PDZD2: variants seen among roughly 807,000 people sequenced by gnomAD.
PDZD2 encodes PDZ domain containing 2.
A neutral mutation model predicts 220.7 loss-of-function variants in PDZD2; 90 were observed. The ratio of observed to expected loss-of-function variants is 0.41; its 90% CI spans 0.34 to 0.49. PDZD2 has a LOEUF of 0.49. PDZD2 is among the 20% of genes least tolerant of loss of function. The probability of loss-of-function intolerance (pLI) is 0.28; values close to 1 mark genes in which losing one functional copy is unlikely to be tolerated. For synonymous variants in PDZD2, 1,375 were observed against 1,450.5 expected (o/e 0.95, Z 1.18); for missense variants, 3,174 against 3,608.5 (o/e 0.88, Z 3.08).
In PDZD2 at chr5:31,662,915, C is replaced by G. The variant is rs369134648; in HGVS notation, c.-361+23478C>G. Among the ~76,000 whole-genome samples, 16 of 152,342 alleles carry G rather than the reference C, an allele frequency of 1.1e-4. 1 individual carries two copies. In the South Asian group the frequency reaches 3.1e-3, roughly 30 times the overall value. On this transcript the variant is annotated intron_variant, in intron 1 of 24. Transcript: ENST00000438447. ...AAAGTGCTGGGATTACAGGTGTGAGCCACCTCACCTGGCCAAGGCCCCACC... is the reference window on the plus strand; with the variant it reads ...AAAGTGCTGGGATTACAGGTGTGAGGCACCTCACCTGGCCAAGGCCCCACC...
At chr5:31,782,714 T>G (rs1322028963) in intron 1 of PDZD2, among the ~76,000 whole-genome samples, 1 of 147,230 alleles carries the variant, frequency 6.8e-6, no homozygotes, top group Non-Finnish European at 1.5e-5. Context: ...TAGATTTTTT[T>G]TTTTTTTTTT....
intron 1 of PDZD2, among the ~76,000 whole-genome samples, chr5:31,691,336 A>C (rs1336348209): frequency 1.3e-5 from 2 of 152,130 alleles, no homozygotes; most frequent in African/African-American, 4.8e-5. Flanking sequence ...CAGCTCATAA[A>C]GGCAGTGTGG....
chr5:32,097,281 T>G lies in PDZD2; in HGVS notation c.7848T>G (p.Asn2616Lys). Reference sequence around the variant, plus strand: ...TAATTTTTGTTTGTTTTCACTAGAATGAAGAAGATGTTTGCTTCATAGTCT... The same window carrying G: ...TAATTTTTGTTTGTTTTCACTAGAAGGAAGAAGATGTTTGCTTCATAGTCT... The part of the protein sequence containing the change: ...LIQEAKAQSE[N>K]EEDVCFIVLN... Residue 2616 changes from asparagine (N) to lysine (K), a missense_variant and splice_region_variant, in exon 22 of 25, where the codon AAT becomes AAG. By Grantham distance (94) the Asn-to-Lys change is moderately conservative. Around this residue, in one of 4 missense-constraint regions of PDZD2, gnomAD observed 631 missense variants for 789.9 expected, o/e 0.80. Coordinates refer to ENST00000438447, the MANE Select transcript of PDZD2 (RefSeq NM_178140.4). 6.3e-7 allele frequency: 1 copy of G among 1,599,794 alleles called. No individual in the cohort carries two copies. Among genetic ancestry groups the G allele is most frequent in the Non-Finnish European group, 8.6e-7 (1 of 1,166,970 alleles).
intron 6 of PDZD2, among the ~76,000 whole-genome samples, chr5:32,034,906 C>T (rs549254804): frequency 5.3e-5 from 8 of 152,312 alleles, no homozygotes; most frequent in African/African-American, 1.9e-4. Context: ...TCCAGGGAAT[C>T]TCTAAAATCA....
chr5:31,776,096 C>G (rs1752627976), intron 1 of PDZD2, among the ~76,000 whole-genome samples: 1 of 152,172 alleles, frequency 6.6e-6, no homozygotes, highest in South Asian at 2.1e-4. Context: ...GCTCAGATTC[C>G]TGGAGTGTAA....
chr5:31,691,907 G>GTTC (rs1455078115), intron 1 of PDZD2, among the ~76,000 whole-genome samples: 2 of 152,232 alleles, frequency 1.3e-5, no homozygotes, highest in African/African-American at 4.8e-5. Context: ...AGACATAAAG[G>GTTC]TTCTCCACGT....
At chr5:31,955,554 G>A (rs180971977) in intron 2 of PDZD2, among the ~76,000 whole-genome samples, 87 of 152,042 alleles carry the variant, frequency 5.7e-4, no homozygotes, top group African/African-American at 2.0e-3. Flanking sequence ...GCCCCACCTC[G>A]GCCTCCCAAA....
chr5:31,665,256 C>T (rs1745938632), intron 1 of PDZD2, among the ~76,000 whole-genome samples: 1 of 151,954 alleles, frequency 6.6e-6, no homozygotes, highest in South Asian at 2.1e-4. Flanking sequence ...GTGTATCTCT[C>T]ACACCATTGC....
At chr5:32,104,173 T>C (rs1186283754) in intron 24 of PDZD2, among the ~76,000 whole-genome samples, 1 of 151,804 alleles carries the variant, frequency 6.6e-6, no homozygotes, top group Non-Finnish European at 1.5e-5. Context: ...TTTGGGAGGC[T>C]AAGGCAGGCG....
chr5:31,858,251 C>A (rs539635270), intron 2 of PDZD2, among the ~76,000 whole-genome samples: 63 of 151,964 alleles, frequency 4.1e-4, no homozygotes, highest in African/African-American at 1.5e-3. Flanking sequence ...GCATGAGCCA[C>A]CGTGCCCAGC....
intron 2 of PDZD2, among the ~76,000 whole-genome samples, chr5:31,958,196 A>G (rs182927924): frequency 6.6e-6 from 1 of 152,170 alleles, no homozygotes; most frequent in Non-Finnish European, 1.5e-5. Flanking sequence ...TCTGAAGTAA[A>G]TGAAATGGCA....
At chr5:31,816,173 A>T (rs1580812718) in intron 2 of PDZD2, among the ~76,000 whole-genome samples, 2 of 151,958 alleles carry the variant, frequency 1.3e-5, no homozygotes, top group East Asian at 3.9e-4. Flanking sequence ...CTGTAGTCCC[A>T]GCTACTCGGG....
intron 2 of PDZD2, among the ~76,000 whole-genome samples, chr5:31,836,231 T>G (rs1756936105): frequency 2.7e-5 from 4 of 147,596 alleles, no homozygotes; most frequent in Admixed American, 2.7e-4. Flanking sequence ...TTATTGGCTT[T>G]TTTTTTTTTT....
intron 2 of PDZD2, among the ~76,000 whole-genome samples, chr5:31,823,462 T>C (rs1483200020): frequency 1.3e-5 from 2 of 152,076 alleles, no homozygotes; most frequent in Non-Finnish European, 2.9e-5. Flanking sequence ...AGTGAGACTC[T>C]GTCTCAAAAC....
intron 24 of PDZD2, among the ~76,000 whole-genome samples, chr5:32,105,580 CCTCT>C (rs1374866104): frequency 2.6e-5 from 4 of 152,018 alleles, no homozygotes; most frequent in African/African-American, 9.7e-5. Context: ...ATAAATTACA[CCTCT>C]CTCTATATAC....
intron 2 of PDZD2, among the ~76,000 whole-genome samples, chr5:31,932,953 C>T (rs956915004): frequency 6.6e-6 from 1 of 151,532 alleles, no homozygotes; most frequent in African/African-American, 2.4e-5. Flanking sequence ...TCTTGTTGCC[C>T]AGGCTGGAGT....
In PDZD2 at chr5:31,799,255, A is replaced by C. The variant is rs768507807; in HGVS notation, c.7A>C (p.Ile3Leu). 31 of 1,590,674 alleles carry C rather than the reference A, an allele frequency of 1.9e-5. No individual in the cohort carries two copies. In the South Asian group the frequency reaches 3.4e-4, roughly 18 times the overall value. The change falls in exon 2 of 25, where the codon ATC becomes CTC. Residue 3 changes from isoleucine (I) to leucine (L), a missense_variant. This residue lies in a region of PDZD2 where 632 missense variants were observed against 708.1 expected (regional missense o/e 0.89). Transcript: ENST00000438447. MP[I>L]TQDNAVLHLP... Reference sequence around the variant, plus strand: ...GTGTCTGGGAGTGAGCACCATGCCCATCACCCAGGACAATGCCGTGCTGCA... The same window carrying C: ...GTGTCTGGGAGTGAGCACCATGCCCCTCACCCAGGACAATGCCGTGCTGCA...
Position 32,087,203 on chromosome 5 carries a change from C to T in PDZD2, c.3755C>T (p.Thr1252Ile), listed in dbSNP as rs771405238. The T allele has an allele frequency of 6.2e-7, 1 of 1,613,968 alleles. No homozygotes were observed. Among genetic ancestry groups the T allele is most frequent in the Non-Finnish European group, 8.5e-7 (1 of 1,179,850 alleles). The change falls in exon 20 of 25, where the codon ACC (threonine) becomes ATC (isoleucine). Residue 1252 changes from threonine (T) to isoleucine (I), a missense_variant. Transcript: ENST00000438447. This position sits in a 1 kb window ranked among gnomAD's most constrained non-coding sequence, Gnocchi z 4.0. ...KGAAHPDPSK[T>I]SVDTGQVSRP... ...GCCGCTCATCCTGACCCCAGCAAGA[C>T]CTCTGTAGACACAGGGCAAGTCAGT...
intron 1 of PDZD2, among the ~76,000 whole-genome samples, chr5:31,680,052 A>G (rs978422105): frequency 6.6e-6 from 1 of 152,240 alleles, no homozygotes; most frequent in African/African-American, 2.4e-5. Flanking sequence ...GATATCTGAT[A>G]TGGAATTATT....
Sources: allele counts gnomAD v4.1 joint callset (sites outside exome capture counted in the v4.1 genomes callset), GRCh38; gene constraint gnomAD v4.1.1; regional missense constraint gnomAD v4.1.1; non-coding constraint Gnocchi (gnomAD v3.1); transcripts MANE v1.5; gene names NCBI Gene and HGNC (gene_info 2026-07-23, HGNC 2026-07-21).